Variants in CA10 observed in about 807,000 individuals in gnomAD.
CA10 encodes carbonic anhydrase 10 (inactive).
A neutral mutation model predicts 44.2 loss-of-function variants in CA10; 14 were observed. The ratio of observed to expected loss-of-function variants is 0.32; its 90% CI spans 0.21 to 0.50. The LOEUF is 0.50. Ranked by LOEUF, CA10 falls within the 20% of genes least tolerant of loss-of-function variation. The probability of loss-of-function intolerance (pLI) is 0.99; values close to 1 mark genes in which losing one functional copy is unlikely to be tolerated. For synonymous variants in CA10, 159 were observed against 141.6 expected (o/e 1.12, Z -0.87); for missense variants, 350 against 409.7 (o/e 0.85, Z 1.26).
At chr17:52,093,423 C>T (rs1018837079) in intron 1 of CA10, among the ~76,000 whole-genome samples, 4 of 152,132 alleles carry the variant, frequency 2.6e-5, no homozygotes, top group Non-Finnish European at 5.9e-5. Context: ...TACATCCTGA[C>T]CGAAACCATC....
At chr17:52,069,821 C>T (rs187773475) in intron 2 of CA10, among the ~76,000 whole-genome samples, 3 of 152,242 alleles carry the variant, frequency 2.0e-5, no homozygotes, top group African/African-American at 4.8e-5. Flanking sequence ...AACTGTTATG[C>T]CAACTGACTA....
intron 2 of CA10, among the ~76,000 whole-genome samples, chr17:52,055,432 G>A (rs1987201427): frequency 6.6e-6 from 1 of 151,344 alleles, no homozygotes; most frequent in Admixed American, 6.6e-5. Context: ...CAATATGTGA[G>A]AAAGAATAGA....
intron 1 of CA10, among the ~76,000 whole-genome samples, chr17:52,080,044 G>C (rs902535053): frequency 1.1e-4 from 16 of 152,174 alleles, no homozygotes; most frequent in African/African-American, 3.9e-4. Context: ...TTGCGTGTTG[G>C]ACCAGACCTA....
chr17:51,976,160 C>G (rs1984454986), intron 2 of CA10, among the ~76,000 whole-genome samples: 1 of 152,174 alleles, frequency 6.6e-6, no homozygotes, highest in East Asian at 1.9e-4. Flanking sequence ...CTCAAACTCT[C>G]AAAGTTTCTA....
intron 3 of CA10, among the ~76,000 whole-genome samples, chr17:51,791,531 A>C (rs183743627): frequency 2.6e-5 from 4 of 152,336 alleles, no homozygotes; most frequent in East Asian, 3.9e-4. Flanking sequence ...GAATATCAAC[A>C]TAATTTTTTT....
chr17:52,127,943 T>C (rs1003792921), intron 1 of CA10, among the ~76,000 whole-genome samples: 1 of 152,240 alleles, frequency 6.6e-6, no homozygotes, highest in Admixed American at 6.5e-5. Context: ...TTGGATGTAC[T>C]ATCTCAATAC....
At chr17:51,782,355 G>A (rs1353524464) in intron 3 of CA10, among the ~76,000 whole-genome samples, 2 of 152,216 alleles carry the variant, frequency 1.3e-5, no homozygotes, top group Non-Finnish European at 2.9e-5. Context: ...CCTGGATGCT[G>A]TAATCACAGA....
In CA10 at chr17:52,092,012, G is replaced by A. The variant is rs78720041; in HGVS notation, c.62-19619C>T. On this transcript the variant is annotated intron_variant, in intron 1 of 8. Coordinates refer to ENST00000451037, the MANE Select transcript of CA10 (RefSeq NM_020178.5). The stretch of plus-strand genomic sequence containing the variant: ...ATCACTACACAAACTTCTACATACC[G>A]ATATATCTTTCTGTGGGAGGGATGA... 3.0e-3 allele frequency among the ~76,000 whole-genome samples: 453 copies of A among 152,196 alleles called. 1 individual carries two copies. The Middle Eastern group carries it at 0.041, about 14-fold the overall frequency.
At chr17:51,643,305 G>A (rs975248) in intron 6 of CA10, among the ~76,000 whole-genome samples, 65,446 of 151,958 alleles carry the variant, frequency 0.43, 14,687 homozygotes, top group Non-Finnish European at 0.48. Context: ...AGGGATATTA[G>A]CCTTATTCCA....
intron 4 of CA10, among the ~76,000 whole-genome samples, chr17:51,732,830 C>T (rs1916768932): frequency 6.6e-6 from 1 of 152,002 alleles, no homozygotes; most frequent in East Asian, 1.9e-4. Flanking sequence ...CATTTCTGCC[C>T]TCTATATACA....
chr17:52,138,180 C>T (rs1989400507), intron 1 of CA10, among the ~76,000 whole-genome samples: 1 of 152,008 alleles, frequency 6.6e-6, no homozygotes, highest in East Asian at 1.9e-4. Flanking sequence ...TCTGGTAACT[C>T]CCTTCCTTCC....
At chr17:52,087,362 A>C (rs972149554) in intron 1 of CA10, among the ~76,000 whole-genome samples, 1 of 152,196 alleles carries the variant, frequency 6.6e-6, no homozygotes, top group African/African-American at 2.4e-5. Context: ...GACTGGTCTC[A>C]AACTCCTCAC....
intron 1 of CA10, 55 bp from the exon 2 acceptor site, chr17:52,072,448 C>T: frequency 1.5e-6 from 2 of 1,308,426 alleles, no homozygotes; most frequent in Non-Finnish European, 2.2e-6. Context: ...GCACTGTGTC[C>T]CGGCTGTCCG....
intron 3 of CA10, among the ~76,000 whole-genome samples, chr17:51,777,564 G>A (rs1043896801): frequency 6.6e-6 from 1 of 152,172 alleles, no homozygotes; most frequent in African/African-American, 2.4e-5. Flanking sequence ...TAAAGGGAAT[G>A]ATCAGATATG....
intron 2 of CA10, among the ~76,000 whole-genome samples, chr17:51,936,308 T>C (rs1982861949): frequency 6.6e-6 from 1 of 152,132 alleles, no homozygotes; most frequent in South Asian, 2.1e-4. Context: ...TTTCTATATG[T>C]CTATCTGTGT....
At chr17:51,664,207 G>A (rs1033755115) in intron 4 of CA10, among the ~76,000 whole-genome samples, 16 of 151,972 alleles carry the variant, frequency 1.1e-4, no homozygotes, top group Middle Eastern at 3.4e-3. Flanking sequence ...CATCTCCTAC[G>A]CAAAAAAAAG....
intron 4 of CA10, among the ~76,000 whole-genome samples, chr17:51,689,067 C>A (rs1915101474): frequency 6.6e-6 from 1 of 152,118 alleles, no homozygotes; most frequent in Non-Finnish European, 1.5e-5. Context: ...CGTTTCAGCT[C>A]CCAATGTGGT....
At chr17:51,674,362 A>G (rs184808937) in intron 4 of CA10, among the ~76,000 whole-genome samples, 9 of 152,336 alleles carry the variant, frequency 5.9e-5, no homozygotes, top group Non-Finnish European at 1.3e-4. Flanking sequence ...ACATGTCTTA[A>G]CTGTAAAACC....
intron 2 of CA10, among the ~76,000 whole-genome samples, chr17:51,967,756 T>C (rs1008488400): frequency 6.6e-6 from 1 of 151,672 alleles, no homozygotes; most frequent in Admixed American, 6.6e-5. Flanking sequence ...GACAGAATCA[T>C]TTACATTCTG....
Sources: gnomAD v4.1 joint callset for allele counts (sites outside exome capture counted in the v4.1 genomes callset) on GRCh38, gnomAD v4.1.1 for gene constraint, MANE v1.5 for transcripts, NCBI Gene and HGNC (gene_info 2026-07-23, HGNC 2026-07-21) for gene names.